CCDC3: variants seen among roughly 807,000 people sequenced by gnomAD.
CCDC3 encodes the protein coiled-coil domain containing 3.
Under a neutral mutation model 21.4 loss-of-function variants are expected in CCDC3, and 24 were observed. That is an observed-to-expected ratio of 1.12 (90% confidence interval 0.81 to 1.58). The LOEUF (loss-of-function observed/expected upper bound fraction) is 1.58, where lower values mean the gene tolerates loss of function less well. Among genes scored for constraint, CCDC3 ranks in the 40% most tolerant of loss-of-function variants. The probability of loss-of-function intolerance (pLI) is 0.00; values close to 1 mark genes in which losing one functional copy is unlikely to be tolerated. For missense variants in CCDC3, 425 were observed against 360.9 expected (o/e 1.18, Z -1.44); for synonymous variants, 186 against 166.0 (o/e 1.12, Z -0.93).
intron 2 of CCDC3, among the ~76,000 whole-genome samples, chr10:12,904,468 TAAAAAAAAAAA>T (rs55772750): frequency 2.4e-5 from 1 of 40,904 alleles, no homozygotes; most frequent in African/African-American, 9.0e-5. Flanking sequence ...AAGCCAGTCT[TAAAAAAAAAAA>T]AAAAAAAAAA....
intron 2 of CCDC3, among the ~76,000 whole-genome samples, chr10:12,997,058 C>A (rs531400260): frequency 6.6e-6 from 1 of 151,938 alleles, no homozygotes; most frequent in East Asian, 1.9e-4. Context: ...TACACACGTA[C>A]CCCCTGAACC....
chr10:12,997,332 A>G (rs1479756543), intron 2 of CCDC3, among the ~76,000 whole-genome samples: 1 of 152,086 alleles, frequency 6.6e-6, no homozygotes, highest in African/African-American at 2.4e-5. Flanking sequence ...AAATGTCTTC[A>G]ATCGGGGACC....
chr10:13,058,274 A>G (rs1380068662), intron 4 of CCDC3: 4 of 1,369,322 alleles, frequency 2.9e-6, no homozygotes, highest in Admixed American at 1.7e-5. Context: ...CTGACCATCA[A>G]TGCTTTCCAC....
intron 2 of CCDC3, among the ~76,000 whole-genome samples, chr10:12,978,099 A>T (rs770832460): frequency 1.2e-4 from 18 of 151,798 alleles, no homozygotes; most frequent in Non-Finnish European, 2.2e-4. Context: ...GCTCACTGCA[A>T]CCTCCGCCTC....
At chr10:13,075,981 G>C (rs2131443742) in intron 3 of CCDC3, among the ~76,000 whole-genome samples, 1 of 152,318 alleles carries the variant, frequency 6.6e-6, no homozygotes, top group Middle Eastern at 3.4e-3. Flanking sequence ...AGAATTGCTT[G>C]AACCTGGGAG....
At chr10:12,911,648 CACAT>C (rs1409469156) in intron 2 of CCDC3, among the ~76,000 whole-genome samples, 2 of 152,186 alleles carry the variant, frequency 1.3e-5, no homozygotes, top group Non-Finnish European at 2.9e-5. Flanking sequence ...TGTATCACCT[CACAT>C]ACCATTTTTT....
chr10:12,952,711 C>A (rs1384817131), intron 2 of CCDC3, among the ~76,000 whole-genome samples: 1 of 152,104 alleles, frequency 6.6e-6, no homozygotes, highest in Non-Finnish European at 1.5e-5. Flanking sequence ...CCTGAGATTC[C>A]AGTCATTTTG....
At chr10:13,026,089 G>A (rs1013979862) in intron 5 of CCDC3, among the ~76,000 whole-genome samples, 16 of 152,102 alleles carry the variant, frequency 1.1e-4, no homozygotes, top group African/African-American at 2.4e-4. Context: ...GCTGAGGCAC[G>A]AGAATTGCTT....
At chr10:12,933,304 A>G (rs1339675901) in intron 2 of CCDC3, among the ~76,000 whole-genome samples, 1 of 152,086 alleles carries the variant, frequency 6.6e-6, no homozygotes, top group East Asian at 1.9e-4. Context: ...GGAAGGTTTT[A>G]ATTACTGATT....
chr10:13,068,991 C>T (rs560147329), intron 4 of CCDC3, among the ~76,000 whole-genome samples: 4 of 152,356 alleles, frequency 2.6e-5, no homozygotes, highest in African/African-American at 9.6e-5. Context: ...TGTGGTGGCT[C>T]ATGCCTGTAA....
chr10:12,919,882 G>GA (rs1217272771), intron 2 of CCDC3, among the ~76,000 whole-genome samples: 8 of 152,166 alleles, frequency 5.3e-5, no homozygotes, highest in Admixed American at 6.5e-5. Context: ...CTATGCTCAG[G>GA]AAAGAGAGAG....
intron 2 of CCDC3, among the ~76,000 whole-genome samples, chr10:12,974,349 A>G (rs1437776482): frequency 6.6e-6 from 1 of 152,218 alleles, no homozygotes; most frequent in African/African-American, 2.4e-5. Flanking sequence ...GGTGCAGGCC[A>G]GAGGTTTCCG....
intron 5 of CCDC3, among the ~76,000 whole-genome samples, chr10:13,026,396 C>T (rs941771409): frequency 2.6e-5 from 4 of 152,060 alleles, no homozygotes; most frequent in African/African-American, 9.7e-5. Context: ...TTCTAAAAGG[C>T]CTATAGTCTT....
At chr10:13,043,061 T>A (rs752692763) in intron 5 of CCDC3, among the ~76,000 whole-genome samples, 40 of 152,258 alleles carry the variant, frequency 2.6e-4, no homozygotes, top group Non-Finnish European at 4.6e-4. Context: ...GGAAAACTTT[T>A]AAAAAATAAT....
intron 2 of CCDC3, among the ~76,000 whole-genome samples, chr10:12,941,221 G>A (rs938835998): frequency 3.9e-5 from 6 of 152,214 alleles, no homozygotes; most frequent in African/African-American, 1.4e-4. Flanking sequence ...TGCCATGACA[G>A]TTTAGAAATG....
At chr10:13,006,570 G>A (rs186426767), upstream of CCDC3, among the ~76,000 whole-genome samples, 2 of 152,290 alleles carry the variant, frequency 1.3e-5, no homozygotes, top group Admixed American at 6.5e-5. Flanking sequence ...TATTCTCTTG[G>A]TAGAAATGAA....
At chr10:12,940,589 A>G (rs545877829) in intron 2 of CCDC3, among the ~76,000 whole-genome samples, 2 of 152,292 alleles carry the variant, frequency 1.3e-5, no homozygotes, top group Admixed American at 1.3e-4. Context: ...TGACTGTCCA[A>G]TCATAACCTT....
intron 2 of CCDC3, among the ~76,000 whole-genome samples, chr10:12,904,500 C>T (rs1834142531): frequency 2.0e-5 from 1 of 49,676 alleles, no homozygotes; most frequent in Admixed American, 2.2e-4. Flanking sequence ...AAGACTGGCT[C>T]AGGCTCACTA....
intron 3 of CCDC3, among the ~76,000 whole-genome samples, chr10:13,077,023 G>A (rs1836972927): frequency 6.6e-6 from 1 of 152,158 alleles, no homozygotes; most frequent in Admixed American, 6.5e-5. Flanking sequence ...AATCAGGCAG[G>A]AGAAAGAAAT....
Sources: allele counts gnomAD v4.1 joint callset (sites outside exome capture counted in the v4.1 genomes callset), GRCh38; gene constraint gnomAD v4.1.1; transcripts MANE v1.5; gene names NCBI Gene and HGNC (gene_info 2026-07-23, HGNC 2026-07-21).